Variants in LRFN5 observed in about 807,000 individuals in gnomAD.
LRFN5 encodes the protein leucine-rich repeat and fibronectin type-III domain-containing protein 5.
A neutral mutation model predicts 45.6 loss-of-function variants in LRFN5; 24 were observed. The observed-to-expected ratio is 0.53, with a 90% CI of 0.38 to 0.74. LRFN5 has a LOEUF of 0.74. Among genes scored for constraint, LRFN5 ranks in the 30% least tolerant of loss-of-function variants. The probability of loss-of-function intolerance (pLI) is 0.00; values close to 1 mark genes in which losing one functional copy is unlikely to be tolerated. For missense variants in LRFN5, 776 were observed against 861.5 expected, an observed-to-expected ratio of 0.90 and a Z score of 1.24; for synonymous variants, 340 against 313.8, an observed-to-expected ratio of 1.08 and a Z score of -0.88.
intron 1 of LRFN5, among the ~76,000 whole-genome samples, chr14:41,704,448 C>CTGTGTGTGTGTGTGTG (rs59129586): frequency 2.3e-4 from 29 of 124,294 alleles, no homozygotes; most frequent in African/African-American, 1.1e-3. Flanking sequence ...CTCTCTCTCT[C>CTGTGTGTGTGTGTGTG]TGTGTGTGTG....
At chr14:41,853,896 T>C (rs1302199076) in intron 2 of LRFN5, among the ~76,000 whole-genome samples, 1 of 152,106 alleles carries the variant, frequency 6.6e-6, no homozygotes, top group Non-Finnish European at 1.5e-5. Flanking sequence ...GCAACAACTA[T>C]GATTTACTGG....
chr14:41,836,040 G>T (rs1888651906), intron 2 of LRFN5, among the ~76,000 whole-genome samples: 1 of 150,882 alleles, frequency 6.6e-6, no homozygotes, highest in South Asian at 2.1e-4. Context: ...CTCAAAATGA[G>T]CTCAGAAATT....
At chr14:41,704,408 T>TTCTCTCTCTCTCTCTCTCTCTC (rs141458106) in intron 1 of LRFN5, among the ~76,000 whole-genome samples, 17 of 102,264 alleles carry the variant, frequency 1.7e-4, no homozygotes, top group African/African-American at 6.7e-4. Context: ...TGTTATACTT[T>TTCTCTCTCTCTCTCTCTCTCTC]TCTCTCTCTC....
At chr14:41,632,438 T>C (rs898874177) in intron 1 of LRFN5, among the ~76,000 whole-genome samples, 3 of 152,120 alleles carry the variant, frequency 2.0e-5, no homozygotes, top group African/African-American at 4.8e-5. Flanking sequence ...ACCCCATCTC[T>C]ATTAAAAATA....
At chr14:41,873,902 C>G (rs938455359) in intron 2 of LRFN5, among the ~76,000 whole-genome samples, 2 of 152,154 alleles carry the variant, frequency 1.3e-5, no homozygotes, top group Non-Finnish European at 2.9e-5. Context: ...CCTAGGGAAA[C>G]TGAAATACAG....
At chr14:41,699,558 A>G (rs1882753234) in intron 1 of LRFN5, 1 of 152,102 alleles carries the variant, frequency 6.6e-6, no homozygotes, top group African/African-American at 2.4e-5. Flanking sequence ...GATTAATAGA[A>G]CTTACGAGCT....
intron 2 of LRFN5, among the ~76,000 whole-genome samples, chr14:41,801,077 C>G (rs1171022596): frequency 1.3e-5 from 2 of 151,834 alleles, no homozygotes; most frequent in Non-Finnish European, 2.9e-5. Flanking sequence ...TATATATGTA[C>G]ATATTACATA....
intron 4 of LRFN5, chr14:41,892,921 C>G: frequency 1.0e-6 from 1 of 985,008 alleles, no homozygotes; most frequent in Non-Finnish European, 1.2e-6. Context: ...GTTCTTAATA[C>G]AAGATAAAGA....
intron 2 of LRFN5, among the ~76,000 whole-genome samples, chr14:41,834,979 A>G (rs1254090926): frequency 2.0e-5 from 3 of 151,486 alleles, no homozygotes; most frequent in Admixed American, 6.6e-5. Flanking sequence ...TGACATTTGA[A>G]TGTTAGTCTC....
intron 2 of LRFN5, among the ~76,000 whole-genome samples, chr14:41,794,416 T>A (rs1887045580): frequency 6.6e-6 from 1 of 152,096 alleles, no homozygotes. Flanking sequence ...CCTGTAAGAC[T>A]TTTCTGATTC....
intron 1 of LRFN5, among the ~76,000 whole-genome samples, chr14:41,704,737 G>T (rs1882994676): frequency 6.6e-6 from 1 of 151,858 alleles, no homozygotes; most frequent in Non-Finnish European, 1.5e-5. Flanking sequence ...TGAAAGTGAA[G>T]GATCATGCCA....
At chr14:41,843,721 T>A (rs1401212085) in intron 2 of LRFN5, among the ~76,000 whole-genome samples, 1 of 152,184 alleles carries the variant, frequency 6.6e-6, no homozygotes, top group African/African-American at 2.4e-5. Flanking sequence ...TACGTATACA[T>A]ATATGTCAAC....
intron 2 of LRFN5, among the ~76,000 whole-genome samples, chr14:41,832,466 T>G (rs947627864): frequency 6.6e-6 from 1 of 152,162 alleles, no homozygotes; most frequent in Admixed American, 6.5e-5. Flanking sequence ...GTTGTGCCCC[T>G]AAGTGGAAAT....
chr14:41,619,663 C>A (rs1888049012), intron 1 of LRFN5, among the ~76,000 whole-genome samples: 1 of 151,758 alleles, frequency 6.6e-6, no homozygotes, highest in South Asian at 2.1e-4. Context: ...TCTAAAATAA[C>A]TAGGTTTCAT....
At chr14:41,845,636 A>T (rs953170909) in intron 2 of LRFN5, among the ~76,000 whole-genome samples, 3 of 152,152 alleles carry the variant, frequency 2.0e-5, no homozygotes, top group Admixed American at 6.6e-5. Context: ...GAGAGAACCT[A>T]GTTCTTTTCT....
chr14:41,802,616 A>G (rs1159746697), intron 2 of LRFN5, among the ~76,000 whole-genome samples: 1 of 152,170 alleles, frequency 6.6e-6, no homozygotes, highest in Non-Finnish European at 1.5e-5. Flanking sequence ...AGGCTAGGAT[A>G]AAATTTTCTT....
chr14:41,692,367 T>C (rs894637350), intron 1 of LRFN5, among the ~76,000 whole-genome samples: 1 of 152,142 alleles, frequency 6.6e-6, no homozygotes, highest in Admixed American at 6.6e-5. Context: ...TCATTAAAGA[T>C]ATATACAGTA....
chr14:41,881,844 C>A (rs917482728), intron 2 of LRFN5, among the ~76,000 whole-genome samples: 6 of 152,132 alleles, frequency 3.9e-5, no homozygotes, highest in African/African-American at 1.4e-4. Flanking sequence ...CACATCTCTG[C>A]TAAAATTACC....
At chr14:41,795,369 A>C (rs12889396) in intron 2 of LRFN5, among the ~76,000 whole-genome samples, 22,786 of 152,012 alleles carry the variant, frequency 0.15, 1,847 homozygotes, top group Non-Finnish European at 0.18. Context: ...GTCAGTGTGG[A>C]GATTCCTCAG....
Sources: gnomAD v4.1 joint callset for allele counts (sites outside exome capture counted in the v4.1 genomes callset) on GRCh38, gnomAD v4.1.1 for gene constraint, MANE v1.5 for transcripts, NCBI Gene and HGNC (gene_info 2026-07-23, HGNC 2026-07-21) for gene names.